Variants in TFAP2E observed in about 807,000 individuals in gnomAD.
TFAP2E encodes transcription factor AP-2 epsilon.
In TFAP2E, 30 loss-of-function variants were observed where a neutral mutation model predicts 37.9. The observed-to-expected ratio is 0.79, with a 90% CI of 0.59 to 1.07. The LOEUF (loss-of-function observed/expected upper bound fraction) is 1.07. Ranked by LOEUF, TFAP2E falls within the 50% of genes least tolerant of loss-of-function variation. The probability of loss-of-function intolerance (pLI) is 0.00; values close to 1 mark genes in which losing one functional copy is unlikely to be tolerated. For synonymous variants in TFAP2E, 318 were observed against 295.8 expected (o/e 1.08, Z -0.77); for missense variants, 567 against 637.9 (o/e 0.89, Z 1.20).
chr1:35,593,284 C>T (rs1242714478), intron 6 of TFAP2E, among the ~76,000 whole-genome samples: 2 of 152,066 alleles, frequency 1.3e-5, no homozygotes, highest in Non-Finnish European at 2.9e-5. Flanking sequence ...CACTGCACTC[C>T]AGCCTGGGTG....
chr1:35,577,439 C>CA lies in TFAP2E; in HGVS notation c.562+2440dup. Reference sequence around the variant, plus strand: ...GGCACGAGGAACTCCTGTCCTGCCCCACAGACCTTCGGCCTCCGCCGAGTG... The same window carrying CA: ...GGCACGAGGAACTCCTGTCCTGCCCCAACAGACCTTCGGCCTCCGCCGAGTG... On this transcript the variant is annotated intron_variant, in intron 3 of 6. Transcript: ENST00000373235. The surrounding 1 kb of genome is among the most constrained non-coding windows in gnomAD (Gnocchi z 6.3). The CA allele has an allele frequency of 2.2e-6, 1 of 456,746 alleles. No homozygotes were observed. The highest frequency in any genetic ancestry group is 3.3e-4 in the Middle Eastern group (1 of 3,076). 28.3% of individuals were successfully genotyped at this position (456,746 alleles called of 1,614,324 possible).
intron 6 of TFAP2E, among the ~76,000 whole-genome samples, chr1:35,591,199 A>G (rs1649662830): frequency 6.6e-6 from 1 of 152,172 alleles, no homozygotes; most frequent in Non-Finnish European, 1.5e-5. Flanking sequence ...TCAGACATAC[A>G]TGAACACTCT....
intron 3 of TFAP2E, among the ~76,000 whole-genome samples, chr1:35,580,662 C>T (rs1649323166): frequency 6.6e-6 from 1 of 152,014 alleles, no homozygotes; most frequent in Non-Finnish European, 1.5e-5. Context: ...GTAGTCCCAG[C>T]TACTCGGGAG....
chr1:35,591,449 G>A (rs1237196592), intron 6 of TFAP2E, among the ~76,000 whole-genome samples: 1 of 152,134 alleles, frequency 6.6e-6, no homozygotes, highest in Non-Finnish European at 1.5e-5. Context: ...ACACCTGACT[G>A]TTCTGCAAAT....
At chr1:35,583,409 G>T (rs1222319024) in intron 3 of TFAP2E, among the ~76,000 whole-genome samples, 1 of 152,094 alleles carries the variant, frequency 6.6e-6, no homozygotes, top group Middle Eastern at 3.2e-3. Context: ...TTCCAAAGTG[G>T]TAGGATTACA....
At position 35,574,417 on chromosome 1, in the gene TFAP2E, C is replaced by T. The variant is rs1393762311; in HGVS notation, c.510+8C>T. On this transcript the variant is annotated splice_region_variant and intron_variant, in intron 2 of 6. Coordinates refer to ENST00000373235, the MANE Select transcript of TFAP2E (RefSeq NM_178548.4). ...GGTCTGGAGGACCTGCAGGTGAGAC[C>T]CGAGGGATCCGGGATGGGTCGGGAC... The T allele has an allele frequency of 7.1e-7, 1 of 1,409,830 alleles. No homozygotes were observed. The highest frequency in any genetic ancestry group is 9.2e-7 in the Non-Finnish European group (1 of 1,091,020). The allele number at this position is 1,409,830 out of a possible 1,614,324, so 87.3% of individuals were successfully genotyped here.
intron 3 of TFAP2E, among the ~76,000 whole-genome samples, chr1:35,580,255 A>C (rs2148547942): frequency 6.6e-6 from 1 of 152,196 alleles, no homozygotes; most frequent in South Asian, 2.1e-4. Context: ...GATGAGAAGG[A>C]AACTTAATCG....
At position 35,574,203 on chromosome 1, in the gene TFAP2E, G is replaced by T; in HGVS notation, c.304G>T (p.Ala102Ser). The T allele has an allele frequency of 3.2e-6, 4 of 1,261,850 alleles. No individual in the cohort carries two copies. Among genetic ancestry groups the T allele is most frequent in the Non-Finnish European group, 4.0e-6 (4 of 1,002,560 alleles). The allele number at this position is 1,261,850 out of a possible 1,614,324, so 78.2% of individuals were successfully genotyped here. The change falls in exon 2 of 7, where the codon GCG becomes TCG. Residue 102 changes from alanine to serine, a missense_variant. Transcript: ENST00000373235. ...QPQPPQAAWAAPRAAARAHEE... is the reference protein window; with the variant it reads ...QPQPPQAAWASPRAAARAHEE... ...GCAGCCTCCTCAGGCCGCCTGGGCCGCGCCCCGCGCAGCCGCCCGCGCCCA... is the reference window on the plus strand; with the variant it reads ...GCAGCCTCCTCAGGCCGCCTGGGCCTCGCCCCGCGCAGCCGCCCGCGCCCA...
Position 35,590,204 on chromosome 1 carries a change from G to A in TFAP2E, c.904+156G>A, listed in dbSNP as rs1649618184. 6.6e-6 allele frequency among the ~76,000 whole-genome samples: 1 copy of A among 152,158 alleles called. No individual in the cohort carries two copies. Among genetic ancestry groups the A allele is most frequent in the Non-Finnish European group, 1.5e-5 (1 of 68,030 alleles). On this transcript the variant is annotated intron_variant, in intron 5 of 6. Coordinates refer to ENST00000373235, the MANE Select transcript of TFAP2E (RefSeq NM_178548.4). The surrounding 1 kb of genome is among the most constrained non-coding windows in gnomAD (Gnocchi z 6.2). ...GTGCGTATTCTCTGTCATGTATAAG[G>A]TGTGTTTGTGATTTCTGTGTGTAGT...
At chr1:35,583,838 C>T (rs1472271043) in intron 3 of TFAP2E, among the ~76,000 whole-genome samples, 2 of 152,134 alleles carry the variant, frequency 1.3e-5, no homozygotes, top group African/African-American at 4.8e-5. Context: ...GATTCCATCC[C>T]TCTTGCCATT....
Position 35,574,205 on chromosome 1 carries a change from G to A in TFAP2E, c.306G>A (p.Ala102=). 1.6e-6 allele frequency: 2 copies of A among 1,252,244 alleles called. No homozygotes were observed. Among genetic ancestry groups the A allele is most frequent in the Admixed American group, 4.7e-5 (1 of 21,428 alleles). The allele number at this position is 1,252,244 out of a possible 1,614,324, so 77.6% of individuals were successfully genotyped here. ...AGCCTCCTCAGGCCGCCTGGGCCGC[G>A]CCCCGCGCAGCCGCCCGCGCCCACG... The part of the protein sequence containing the change: ...QPQPPQAAWA[A]PRAAARAHEE... The change falls in exon 2 of 7, where the codon GCG becomes GCA. Residue 102 remains alanine (A), a synonymous_variant. Transcript: ENST00000373235.
chr1:35,583,641 T>TGTGTGA (rs779886480), intron 3 of TFAP2E, among the ~76,000 whole-genome samples: 26 of 150,034 alleles, frequency 1.7e-4, no homozygotes, highest in South Asian at 6.3e-4. Context: ...TGTGTGTGTG[T>TGTGTGA]GAATGGCTTC....
rs764544063 is a variant in TFAP2E, at chr1:35,590,009, A to G, written c.865A>G (p.Lys289Glu). Residue 289 changes from lysine (K) to glutamate (E), a missense_variant, in exon 5 of 7, where the codon AAG (lysine) becomes GAG (glutamate). By Grantham distance (56) the Lys-to-Glu change is moderately conservative. Around this residue, in one of 3 missense-constraint regions of TFAP2E, gnomAD observed 252 missense variants for 302.6 expected, o/e 0.83. Transcript: ENST00000373235. The surrounding 1 kb of genome is among the most constrained non-coding windows in gnomAD (Gnocchi z 6.2). ...IGLNLPAGRR[K>E]AANVTLLTSL... ...GCTCAACCTGCCAGCTGGCCGTCGCAAGGCCGCCAATGTGACGCTGCTGAC... is the reference window on the plus strand; with the variant it reads ...GCTCAACCTGCCAGCTGGCCGTCGCGAGGCCGCCAATGTGACGCTGCTGAC... 37 of 1,613,974 alleles carry G rather than the reference A, an allele frequency of 2.3e-5. No homozygotes were observed. The highest frequency in any genetic ancestry group is 8.5e-7 in the Non-Finnish European group (1 of 1,179,988).
intron 3 of TFAP2E, among the ~76,000 whole-genome samples, chr1:35,587,273 A>C (rs1447071123): frequency 6.6e-6 from 1 of 152,236 alleles, no homozygotes; most frequent in Non-Finnish European, 1.5e-5. Context: ...GAGGCTAAGC[A>C]GGAGGATGGA....
chr1:35,585,953 G>A (rs1413143373), intron 3 of TFAP2E, among the ~76,000 whole-genome samples: 3 of 152,180 alleles, frequency 2.0e-5, no homozygotes, highest in African/African-American at 4.8e-5. Context: ...GGAGGCTGAG[G>A]TGGGAGGATT....
At chr1:35,589,190 G>C (rs988221451) in intron 4 of TFAP2E, among the ~76,000 whole-genome samples, 2 of 36,844 alleles carry the variant, frequency 5.4e-5, no homozygotes, top group Non-Finnish European at 8.2e-5. Flanking sequence ...GTCCTGCTCT[G>C]TGTGTGTGTG....
At chr1:35,584,301 C>G (rs1229612139) in intron 3 of TFAP2E, among the ~76,000 whole-genome samples, 1 of 152,056 alleles carries the variant, frequency 6.6e-6, no homozygotes, top group African/African-American at 2.4e-5. Flanking sequence ...TGAGGTCTCA[C>G]TATGTTGCCC....
intron 6 of TFAP2E, among the ~76,000 whole-genome samples, chr1:35,593,971 A>G (rs1649758927): frequency 6.6e-6 from 1 of 152,326 alleles, no homozygotes; most frequent in South Asian, 2.1e-4. Flanking sequence ...CCAGCCTTCA[A>G]TTATATTCAC....
rs181514485 is a variant in TFAP2E at position 35,592,270 on chromosome 1, G to A, written c.1046+1495G>A. 6.0e-5 allele frequency among the ~76,000 whole-genome samples: 9 copies of A among 151,068 alleles called. No individual in the cohort carries two copies. In the East Asian group the frequency reaches 1.8e-3, roughly 29 times the overall value. ...GCTGTACTCTAGCCTGCGTGACATA[G>A]TGAGACCCCATCTCAAAAAAAAAAA... On this transcript the variant is annotated intron_variant, in intron 6 of 6. Transcript: ENST00000373235.
Sources: gnomAD v4.1 joint callset for allele counts (sites outside exome capture counted in the v4.1 genomes callset) on GRCh38, gnomAD v4.1.1 for gene constraint, gnomAD v4.1.1 regional missense constraint, Gnocchi (gnomAD v3.1) non-coding constraint, MANE v1.5 for transcripts, NCBI Gene and HGNC (gene_info 2026-07-23, HGNC 2026-07-21) for gene names.